The following DGKI variants were observed in gnomAD, a reference collection of about 807,000 sequenced individuals.
The protein encoded by DGKI is DAG kinase iota.
DGKI carries 55 observed loss-of-function variants against 147.5 expected under a neutral mutation model. The observed-to-expected ratio is 0.37, with a 90% CI of 0.30 to 0.47. The LOEUF is 0.47. Among genes scored for constraint, DGKI ranks in the 20% least tolerant of loss-of-function variants. The pLI is 1.00. For synonymous variants in DGKI, 469 were observed against 477.1 expected, an observed-to-expected ratio of 0.98 and a Z score of 0.22; for missense variants, 1,007 against 1,323.8, an observed-to-expected ratio of 0.76 and a Z score of 3.71.
At chr7:137,742,147 G>C (rs766039028) in intron 1 of DGKI, among the ~76,000 whole-genome samples, 14 of 152,242 alleles carry the variant, frequency 9.2e-5, no homozygotes, top group African/African-American at 3.4e-4. Flanking sequence ...AACAGGAAAA[G>C]AGATAAACTC....
At position 137,623,498 on chromosome 7, in the gene DGKI, G is replaced by A. The variant is rs1820824107; in HGVS notation, c.861C>T (p.Ser287=). The change falls in exon 7 of 33, where the codon TCC becomes TCT. Residue 287 remains serine, a synonymous_variant. Coordinates refer to ENST00000614521, the MANE Select transcript of DGKI (RefSeq NM_001321708.2). ...CCAATCTTACCGCCTGCTTGCACCAGGAACAGCTGATAGCCACAATCTCTT... is the reference window on the plus strand; with the variant it reads ...CCAATCTTACCGCCTGCTTGCACCAAGAACAGCTGATAGCCACAATCTCTT... ...HSKEIVAISC[S]WCKQAFHNKV... 6.2e-7 allele frequency: 1 copy of A among 1,613,820 alleles called. No individual in the cohort carries two copies.
rs1282620984 is a variant in DGKI at position 137,551,572 on chromosome 7, A to G, written c.2147+797T>C. On this transcript the variant is annotated intron_variant, in intron 20 of 32. Coordinates refer to ENST00000614521, the MANE Select transcript of DGKI (RefSeq NM_001321708.2). ...AAGCACATAGCATGATATAGAGGAAATACTCAAAAGATGCCAAAAATTATG... is the reference window on the plus strand; with the variant it reads ...AAGCACATAGCATGATATAGAGGAAGTACTCAAAAGATGCCAAAAATTATG... 1.1e-4 allele frequency among the ~76,000 whole-genome samples: 17 copies of G among 152,286 alleles called. No homozygotes were observed. The East Asian group carries it at 3.3e-3, about 29-fold the overall frequency.
At chr7:137,411,808 T>A (rs1179367234) in intron 29 of DGKI, among the ~76,000 whole-genome samples, 6 of 152,194 alleles carry the variant, frequency 3.9e-5, no homozygotes, top group Admixed American at 3.3e-4. Flanking sequence ...GAAAGATTAA[T>A]CTCTGGCCTG....
rs566053601 is a variant in DGKI at position 137,387,116 on chromosome 7, G to A, written c.*4104C>T. 1 of 152,116 alleles carries A rather than the reference G, an allele frequency of 6.6e-6. No homozygotes were observed. Among genetic ancestry groups the A allele is most frequent in the Non-Finnish European group, 1.5e-5 (1 of 68,014 alleles). 9.4% of individuals were successfully genotyped at this position (152,116 alleles called of 1,614,324 possible). A position where few individuals can be genotyped will look rare whatever the true frequency, so the allele number is the denominator to read the frequency against. The stretch of plus-strand genomic sequence containing the variant: ...AGTTACACCTTCCCGGAAGTAGCCT[G>A]CCCTAATTAAATATCACTAGGCAAC... On this transcript the variant is annotated 3_prime_UTR_variant, in exon 33 of 33. Coordinates refer to ENST00000614521, the MANE Select transcript of DGKI (RefSeq NM_001321708.2).
intron 15 of DGKI, among the ~76,000 whole-genome samples, chr7:137,580,615 G>A (rs1313055644): frequency 6.6e-6 from 1 of 152,088 alleles, no homozygotes; most frequent in African/African-American, 2.4e-5. Context: ...GGGAAACCAG[G>A]AAGGTCAAAG....
At chr7:137,512,455 A>C (rs1436393996) in intron 21 of DGKI, among the ~76,000 whole-genome samples, 1 of 152,222 alleles carries the variant, frequency 6.6e-6, no homozygotes, top group East Asian at 1.9e-4. Flanking sequence ...CTTAGAAGAA[A>C]GTCTTCAAAG....
chr7:137,396,360 G>C (rs1811552247), intron 31 of DGKI, among the ~76,000 whole-genome samples: 1 of 152,262 alleles, frequency 6.6e-6, no homozygotes, highest in Admixed American at 6.5e-5. Context: ...CAGCCACTCA[G>C]TGTGGGAAGG....
intron 1 of DGKI, among the ~76,000 whole-genome samples, chr7:137,707,429 C>T (rs1794073387): frequency 6.6e-6 from 1 of 152,222 alleles, no homozygotes; most frequent in South Asian, 2.1e-4. Flanking sequence ...ATTGATATGT[C>T]TGGATCTGTG....
chr7:137,407,792 G>A, intron 30 of DGKI, 83 bp downstream of exon 30: 1 of 1,547,740 alleles, frequency 6.5e-7, no homozygotes, highest in East Asian at 2.3e-5. Flanking sequence ...AAAACTGCCT[G>A]GATGAAGGGT....
intron 3 of DGKI, among the ~76,000 whole-genome samples, chr7:137,667,386 T>C (rs146257813): frequency 1.3e-5 from 2 of 152,210 alleles, no homozygotes; most frequent in Non-Finnish European, 2.9e-5. Flanking sequence ...ATGGTGTTTC[T>C]ATGTCTTGGT....
chr7:137,564,389 G>A (rs979409436), intron 19 of DGKI, among the ~76,000 whole-genome samples: 1 of 152,062 alleles, frequency 6.6e-6, no homozygotes, highest in African/African-American at 2.4e-5. Flanking sequence ...AAAATTGGAT[G>A]TTTAAAACAT....
chr7:137,736,803 TG>T (rs1475224550), intron 1 of DGKI, among the ~76,000 whole-genome samples: 1 of 152,122 alleles, frequency 6.6e-6, no homozygotes, highest in Non-Finnish European at 1.5e-5. Context: ...ATCAAGACCT[TG>T]TTGCAGGCCC....
intron 21 of DGKI, among the ~76,000 whole-genome samples, chr7:137,517,337 A>AAGAATGAAAGAG: frequency 8.6e-6 from 1 of 116,816 alleles, no homozygotes; most frequent in Admixed American, 9.0e-5. Context: ...GAAAGAAAGA[A>AAGAATGAAAGAG]AGAGAAAGAA....
At chr7:137,626,076 T>A (rs926998542) in intron 6 of DGKI, among the ~76,000 whole-genome samples, 1 of 152,178 alleles carries the variant, frequency 6.6e-6, no homozygotes, top group Non-Finnish European at 1.5e-5. Context: ...AGCTTGTGCC[T>A]GGCCTCCTCC....
At chr7:137,544,115 T>C (rs1389066790) in intron 20 of DGKI, among the ~76,000 whole-genome samples, 1 of 152,174 alleles carries the variant, frequency 6.6e-6, no homozygotes, top group East Asian at 1.9e-4. Context: ...ATGGACAATT[T>C]ACTTTACTGT....
At chr7:137,469,984 C>T (rs752252901) in intron 23 of DGKI, among the ~76,000 whole-genome samples, 2 of 152,088 alleles carry the variant, frequency 1.3e-5, no homozygotes, top group Non-Finnish European at 2.9e-5. Flanking sequence ...AGGTCTAAGG[C>T]GCTGGCACAG....
At chr7:137,746,825 C>T (rs999459063) in intron 1 of DGKI, among the ~76,000 whole-genome samples, 4 of 151,994 alleles carry the variant, frequency 2.6e-5, no homozygotes, top group Non-Finnish European at 5.9e-5. Flanking sequence ...ATCAACTCAG[C>T]CTTATCGTGT....
chr7:137,420,912 G>C (rs1175262551), intron 28 of DGKI, among the ~76,000 whole-genome samples: 1 of 152,138 alleles, frequency 6.6e-6, no homozygotes, highest in Admixed American at 6.5e-5. Context: ...CCAGCTACTT[G>C]GGAGGCTAAG....
intron 1 of DGKI, among the ~76,000 whole-genome samples, chr7:137,751,681 G>A (rs1795493706): frequency 6.6e-6 from 1 of 152,106 alleles, no homozygotes; most frequent in Non-Finnish European, 1.5e-5. Flanking sequence ...GTATCGAAAG[G>A]CCAAATACTA....
Sources: allele counts gnomAD v4.1 joint callset (sites outside exome capture counted in the v4.1 genomes callset), GRCh38; gene constraint gnomAD v4.1.1; transcripts MANE v1.5; gene names NCBI Gene and HGNC (gene_info 2026-07-23, HGNC 2026-07-21).